ELMOD1: variants seen among roughly 807,000 people sequenced by gnomAD.
ELMOD1 encodes the protein ELMO domain containing 1.
In ELMOD1, 21 loss-of-function variants were observed where a neutral mutation model predicts 46.7. The observed-to-expected ratio is 0.45, with a 90% CI of 0.32 to 0.65. ELMOD1 has a LOEUF of 0.65. Among genes scored for constraint, ELMOD1 ranks in the 30% least tolerant of loss-of-function variants. The pLI, the probability that ELMOD1 is intolerant of heterozygous loss-of-function variation, is 0.04. For synonymous variants in ELMOD1, 122 were observed against 138.2 expected, an observed-to-expected ratio of 0.88 and a Z score of 0.82; for missense variants, 348 against 407.8, an observed-to-expected ratio of 0.85 and a Z score of 1.26.
At chr11:107,615,205 T>C (rs1865840077) in intron 1 of ELMOD1, among the ~76,000 whole-genome samples, 1 of 151,624 alleles carries the variant, frequency 6.6e-6, no homozygotes, top group Admixed American at 6.6e-5. Context: ...AGGGTTCCCT[T>C]ATACTTTCCC....
At position 107,625,308 on chromosome 11, in the gene ELMOD1, C is replaced by T. The variant is rs528520614; in HGVS notation, c.18-5109C>T. 1.4e-4 allele frequency: 104 copies of T among 744,040 alleles called. 1 individual carries two copies. The highest frequency in any genetic ancestry group is 1.7e-4 in the Non-Finnish European group (102 of 609,866). The allele number at this position is 744,040 out of a possible 1,614,324, so 46.1% of individuals were successfully genotyped here. On this transcript the variant is annotated intron_variant, in intron 2 of 11. Coordinates refer to ENST00000265840, the MANE Select transcript of ELMOD1 (RefSeq NM_018712.4). The stretch of plus-strand genomic sequence containing the variant: ...TATGACATTTAGATGAAAAGTATTT[C>T]ATTTGGGAAACTGTGGTTTGAACCA...
chr11:107,627,851 C>T (rs1308256870), intron 2 of ELMOD1, among the ~76,000 whole-genome samples: 1 of 152,146 alleles, frequency 6.6e-6, no homozygotes, highest in African/African-American at 2.4e-5. Flanking sequence ...CATAGTTCTA[C>T]TTTTGCTAGA....
chr11:107,591,384 C>T lies in ELMOD1; in HGVS notation c.-111C>T. On this transcript the variant is annotated 5_prime_UTR_variant, in exon 1 of 12. Transcript: ENST00000265840. ...CCACGCCGCCGCGCGCCGGGAGCTG[C>T]TGAGCCTACCGCCGCCAGAGTCCAG... The T allele has an allele frequency of 6.5e-6, 1 of 152,778 alleles. No individual in the cohort carries two copies. Among genetic ancestry groups the T allele is most frequent in the Non-Finnish European group, 1.5e-5 (1 of 68,450 alleles). The allele number at this position is 152,778 out of a possible 1,614,324, so 9.5% of individuals were successfully genotyped here. A position where few individuals can be genotyped will look rare whatever the true frequency, so the allele number is the denominator to read the frequency against.
chr11:107,647,432 G>A (rs1866449647), intron 6 of ELMOD1, 36 bp from the exon 7 acceptor site: 4 of 1,592,540 alleles, frequency 2.5e-6, no homozygotes, highest in Non-Finnish European at 3.4e-6. Flanking sequence ...AGGAAAGGGT[G>A]TATCAACAGA....
At chr11:107,604,244 G>A (rs1865650974) in intron 1 of ELMOD1, among the ~76,000 whole-genome samples, 1 of 152,180 alleles carries the variant, frequency 6.6e-6, no homozygotes. Flanking sequence ...ACTGTGATAG[G>A]GCAAGGGAAC....
intron 9 of ELMOD1, among the ~76,000 whole-genome samples, chr11:107,653,136 A>G (rs1421086083): frequency 6.6e-6 from 1 of 152,206 alleles, no homozygotes; most frequent in Non-Finnish European, 1.5e-5. Flanking sequence ...AGAAAAGGCC[A>G]TATGACCTTA....
intron 11 of ELMOD1, among the ~76,000 whole-genome samples, chr11:107,657,671 C>T (rs1270996927): frequency 2.0e-5 from 3 of 152,190 alleles, no homozygotes; most frequent in Admixed American, 6.5e-5. Flanking sequence ...TTTCTTAATG[C>T]AAGGTCGTAA....
chr11:107,658,789 G>C (rs1250183072), intron 11 of ELMOD1, among the ~76,000 whole-genome samples: 1 of 152,212 alleles, frequency 6.6e-6, no homozygotes, highest in Non-Finnish European at 1.5e-5. Flanking sequence ...ACAAAAATTA[G>C]CCAGGTGTGA....
chr11:107,659,814 C>T (rs1161819003), intron 11 of ELMOD1, among the ~76,000 whole-genome samples: 1 of 152,066 alleles, frequency 6.6e-6, no homozygotes, highest in East Asian at 1.9e-4. Context: ...GTAATCCCAG[C>T]ACTTTGGGAG....
At chr11:107,663,283 C>T (rs879803769) in intron 11 of ELMOD1, among the ~76,000 whole-genome samples, 1 of 151,962 alleles carries the variant, frequency 6.6e-6, no homozygotes, top group Non-Finnish European at 1.5e-5. Flanking sequence ...TGGTGTGTAC[C>T]CTCATCAGAA....
intron 10 of ELMOD1, among the ~76,000 whole-genome samples, chr11:107,655,316 A>G (rs1866607804): frequency 6.6e-6 from 1 of 152,172 alleles, no homozygotes; most frequent in African/African-American, 2.4e-5. Flanking sequence ...AATAGTTTCC[A>G]TGTCATTGCC....
At chr11:107,649,330 A>G (rs1866485418) in intron 7 of ELMOD1, among the ~76,000 whole-genome samples, 1 of 152,236 alleles carries the variant, frequency 6.6e-6, no homozygotes, top group African/African-American at 2.4e-5. Flanking sequence ...GAGCAAAAAA[A>G]GCATCAACTG....
chr11:107,623,155 G>T (rs1446834563), intron 2 of ELMOD1: 1 of 151,738 alleles, frequency 6.6e-6, no homozygotes, highest in Non-Finnish European at 1.5e-5. Context: ...GCCCCGGTGT[G>T]TGATGTTCCC....
At chr11:107,621,899 T>C (rs1591114238) in intron 2 of ELMOD1, among the ~76,000 whole-genome samples, 2 of 151,812 alleles carry the variant, frequency 1.3e-5, no homozygotes, top group Non-Finnish European at 2.9e-5. Flanking sequence ...TGGCGGTGGG[T>C]GCCTGTAATC....
intron 5 of ELMOD1, 134 bp from the exon 6 acceptor site, chr11:107,635,502 T>C (rs1866213305): frequency 4.5e-6 from 4 of 880,760 alleles, no homozygotes; most frequent in Non-Finnish European, 6.6e-6. Context: ...TTCTATTAAA[T>C]AGATCATCTT....
rs367793165 is a variant in ELMOD1, at chr11:107,661,490, T to C, written c.833-3535T>C. Reference sequence around the variant, plus strand: ...AAAGATGCTGTCACTCATGAAATACTAATGAGATGCATTATCGATTATTTT... The same window carrying C: ...AAAGATGCTGTCACTCATGAAATACCAATGAGATGCATTATCGATTATTTT... On this transcript the variant is annotated intron_variant, in intron 11 of 11. Transcript: ENST00000265840. 1.9e-4 allele frequency among the ~76,000 whole-genome samples: 29 copies of C among 152,382 alleles called. 1 individual carries two copies. In the East Asian group the frequency reaches 5.0e-3, roughly 26 times the overall value.
chr11:107,602,371 G>C (rs1865615115), intron 1 of ELMOD1, among the ~76,000 whole-genome samples: 1 of 152,132 alleles, frequency 6.6e-6, no homozygotes, highest in African/African-American at 2.4e-5. Flanking sequence ...ATGTTCTTCA[G>C]CTCTTGGAGA....
At chr11:107,629,474 C>T (rs997302535) in intron 2 of ELMOD1, among the ~76,000 whole-genome samples, 4 of 152,144 alleles carry the variant, frequency 2.6e-5, no homozygotes, top group African/African-American at 4.8e-5. Flanking sequence ...GATAATAAGT[C>T]CTCTTTACCA....
At chr11:107,610,904 A>G (rs1386308519) in intron 1 of ELMOD1, among the ~76,000 whole-genome samples, 1 of 151,646 alleles carries the variant, frequency 6.6e-6, no homozygotes, top group Non-Finnish European at 1.5e-5. Flanking sequence ...CCATATGCAG[A>G]AGAATGGAAT....
Sources: allele counts gnomAD v4.1 joint callset (sites outside exome capture counted in the v4.1 genomes callset), GRCh38; gene constraint gnomAD v4.1.1; transcripts MANE v1.5; gene names NCBI Gene and HGNC (gene_info 2026-07-23, HGNC 2026-07-21).